Variants in NRXN3 observed in about 807,000 individuals in gnomAD.
NRXN3 encodes neurexin III.
NRXN3 carries 32 observed loss-of-function variants against 137.6 expected under a neutral mutation model. The observed-to-expected ratio is 0.23, with a 90% confidence interval of 0.18 to 0.31. The LOEUF (loss-of-function observed/expected upper bound fraction) is 0.31. Ranked by LOEUF, NRXN3 falls within the 10% of genes least tolerant of loss-of-function variation. NRXN3 has a pLI of 1.00. For missense variants in NRXN3, 1,574 were observed against 2,062.5 expected, an observed-to-expected ratio of 0.76 and a Z score of 4.59; for synonymous variants, 798 against 784.5, an observed-to-expected ratio of 1.02 and a Z score of -0.29.
chr14:79,377,236 A>C (rs1210832162), intron 15 of NRXN3, among the ~76,000 whole-genome samples: 1 of 152,220 alleles, frequency 6.6e-6, no homozygotes, highest in African/African-American at 2.4e-5. Flanking sequence ...GGAGTTTCTT[A>C]TCAACAATGT....
At chr14:79,194,736 T>C (rs2064904025) in intron 15 of NRXN3, among the ~76,000 whole-genome samples, 1 of 152,162 alleles carries the variant, frequency 6.6e-6, no homozygotes, top group African/African-American at 2.4e-5. Flanking sequence ...TGTGTGTGTA[T>C]AAACCTGGCT....
intron 10 of NRXN3, among the ~76,000 whole-genome samples, chr14:78,892,281 A>G (rs1036110649): frequency 4.0e-4 from 61 of 152,150 alleles, no homozygotes; most frequent in African/African-American, 1.4e-3. Flanking sequence ...AGGCTTGAAG[A>G]AAGAGATTGT....
At chr14:79,133,423 G>A (rs554206426) in intron 15 of NRXN3, among the ~76,000 whole-genome samples, 2 of 152,172 alleles carry the variant, frequency 1.3e-5, no homozygotes, top group East Asian at 3.9e-4. Context: ...TCTCTTGGTG[G>A]CAGGTGACAT....
At chr14:78,623,147 A>G (rs894082953) in intron 4 of NRXN3, among the ~76,000 whole-genome samples, 2 of 152,212 alleles carry the variant, frequency 1.3e-5, no homozygotes, top group Admixed American at 1.3e-4. Context: ...CCAAAGCCTG[A>G]GCATTATTTC....
At chr14:79,153,468 A>G (rs1043405090) in intron 15 of NRXN3, among the ~76,000 whole-genome samples, 26 of 150,550 alleles carry the variant, frequency 1.7e-4, no homozygotes. Context: ...TCCTAACCTT[A>G]CATTTGATCC....
chr14:78,303,522 G>A (rs1452276074), intron 4 of NRXN3, among the ~76,000 whole-genome samples: 1 of 152,128 alleles, frequency 6.6e-6, no homozygotes, highest in East Asian at 1.9e-4. Context: ...ATCGGGTCAT[G>A]TAGCTCATCT....
intron 8 of NRXN3, among the ~76,000 whole-genome samples, chr14:78,801,326 A>G (rs2098838219): frequency 6.6e-6 from 1 of 152,226 alleles, no homozygotes; most frequent in Non-Finnish European, 1.5e-5. Flanking sequence ...GTCTCAAAAA[A>G]AAGAAAAGAA....
At chr14:79,194,379 G>A (rs943428141) in intron 15 of NRXN3, among the ~76,000 whole-genome samples, 2 of 152,158 alleles carry the variant, frequency 1.3e-5, no homozygotes, top group African/African-American at 2.4e-5. Context: ...TTTGTTTTGG[G>A]AACTTCCAAA....
chr14:78,444,726 C>T (rs966365091), intron 4 of NRXN3, among the ~76,000 whole-genome samples: 8 of 151,612 alleles, frequency 5.3e-5, no homozygotes, highest in Non-Finnish European at 1.0e-4. Flanking sequence ...TTGAGACCAG[C>T]TTGGCCAACA....
rs376172867 is a variant in NRXN3, at chr14:79,659,485, C to CTGTT, written c.3445-4290_3445-4287dup. On this transcript the variant is annotated intron_variant, in intron 16 of 20. Transcript: ENST00000335750. ...TGCATAAATTGTTTTAATATATATT[C>CTGTT]TGTTTGCTAAAATTTACATTTATTT... Among the ~76,000 whole-genome samples the CTGTT allele has an allele frequency of 2.5e-3, 380 of 152,216 alleles. 4 individuals carry two copies. The Middle Eastern group carries it at 0.075, about 30-fold the overall frequency.
intron 2 of NRXN3, among the ~76,000 whole-genome samples, chr14:78,259,131 CAAAAA>C (rs138126967): frequency 1.1e-5 from 1 of 93,132 alleles, no homozygotes; most frequent in African/African-American, 4.0e-5. Context: ...GACTCCATCT[CAAAAA>C]AAAAAAAAAA....
intron 3 of NRXN3, among the ~76,000 whole-genome samples, chr14:78,291,853 A>T (rs1388848590): frequency 6.6e-6 from 1 of 152,252 alleles, no homozygotes; most frequent in Non-Finnish European, 1.5e-5. Context: ...AGTTACTCTG[A>T]AAGCGAGTGA....
intron 15 of NRXN3, among the ~76,000 whole-genome samples, chr14:79,081,636 G>T (rs996158338): frequency 7.1e-6 from 1 of 141,662 alleles, no homozygotes. Flanking sequence ...AAAAAAAAAT[G>T]ATATGATGTG....
chr14:79,119,111 C>G (rs1366985218), intron 15 of NRXN3, among the ~76,000 whole-genome samples: 1 of 152,170 alleles, frequency 6.6e-6, no homozygotes, highest in African/African-American at 2.4e-5. Flanking sequence ...ATTTAAACTT[C>G]AACTCCAAAT....
intron 11 of NRXN3, among the ~76,000 whole-genome samples, chr14:78,960,271 G>C (rs2099405545): frequency 6.6e-6 from 1 of 152,104 alleles, no homozygotes; most frequent in Non-Finnish European, 1.5e-5. Context: ...ACAATCTTGG[G>C]TTGCTTTTTA....
chr14:79,158,595 T>C (rs1345235225), intron 15 of NRXN3, among the ~76,000 whole-genome samples: 1 of 151,898 alleles, frequency 6.6e-6, no homozygotes, highest in African/African-American at 2.4e-5. Flanking sequence ...ATTTATCCTT[T>C]ATCATTGCTC....
At chr14:79,418,021 CT>C (rs2095522333) in intron 15 of NRXN3, among the ~76,000 whole-genome samples, 1 of 151,754 alleles carries the variant, frequency 6.6e-6, no homozygotes, top group African/African-American at 2.4e-5. Flanking sequence ...AGGTTTACAA[CT>C]GTTTTACTAA....
Position 79,868,216 on chromosome 14 carries a change from G to T in NRXN3, c.*6252G>T, listed in dbSNP as rs2142018525. 1 of 152,252 alleles carries T rather than the reference G, an allele frequency of 6.6e-6. No homozygotes were observed. Among genetic ancestry groups the T allele is most frequent in the East Asian group, 1.9e-4 (1 of 5,180 alleles). 9.4% of individuals were successfully genotyped at this position (152,252 alleles called of 1,614,324 possible). On this transcript the variant is annotated 3_prime_UTR_variant, in exon 21 of 21. Coordinates refer to ENST00000335750, the MANE Select transcript of NRXN3 (RefSeq NM_001330195.2). The stretch of plus-strand genomic sequence containing the variant: ...TGGCTTTGTTACTTGATTCAGGCAG[G>T]ATCAAAATTAGCTGCTATATGCATG...
At chr14:78,551,920 A>T (rs1301331249) in intron 4 of NRXN3, among the ~76,000 whole-genome samples, 1 of 152,040 alleles carries the variant, frequency 6.6e-6, no homozygotes, top group African/African-American at 2.4e-5. Context: ...TCATTATAGG[A>T]CCAAAAGTGC....
Sources: allele counts gnomAD v4.1 joint callset (sites outside exome capture counted in the v4.1 genomes callset), GRCh38; gene constraint gnomAD v4.1.1; transcripts MANE v1.5; gene names NCBI Gene and HGNC (gene_info 2026-07-23, HGNC 2026-07-21).